Variants in NRXN3 observed in about 807,000 individuals in gnomAD.
NRXN3 encodes the protein neurexin III.
NRXN3 carries 32 observed loss-of-function variants against 137.6 expected under a neutral mutation model. The observed-to-expected ratio is 0.23, with a 90% CI of 0.18 to 0.31. NRXN3 has a LOEUF of 0.31. Among genes scored for constraint, NRXN3 ranks in the 10% least tolerant of loss-of-function variants. The pLI is 1.00. For synonymous variants in NRXN3, 798 were observed against 784.5 expected (o/e 1.02, Z -0.29); for missense variants, 1,574 against 2,062.5 (o/e 0.76, Z 4.59).
chr14:78,243,045 G>C lies in NRXN3; in HGVS notation c.-49G>C. 3 of 1,348,324 alleles carry C rather than the reference G, an allele frequency of 2.2e-6. No homozygotes were observed. The highest frequency in any genetic ancestry group is 2.9e-5 in the South Asian group (2 of 68,184). The allele number at this position is 1,348,324 out of a possible 1,614,324, so 83.5% of individuals were successfully genotyped here. A position where few individuals can be genotyped will look rare whatever the true frequency, so the allele number is the denominator to read the frequency against. ...TGCCAAAGGGAGAGATCCTCTCCGG[G>C]CTGTTCCCTGGCCTGTCTGCTCCTC... On this transcript the variant is annotated 5_prime_UTR_variant, in exon 2 of 21. Transcript: ENST00000335750. The surrounding 1 kb of genome is among the most constrained non-coding windows in gnomAD (Gnocchi z 4.2).
At chr14:79,203,974 G>A (rs2066425825) in intron 15 of NRXN3, among the ~76,000 whole-genome samples, 1 of 152,028 alleles carries the variant, frequency 6.6e-6, no homozygotes, top group Non-Finnish European at 1.5e-5. Flanking sequence ...TCCCACCAAA[G>A]CTTTTGAGCT....
At chr14:78,665,018 G>T (rs2097870806) in intron 6 of NRXN3, among the ~76,000 whole-genome samples, 1 of 152,130 alleles carries the variant, frequency 6.6e-6, no homozygotes, top group South Asian at 2.1e-4. Flanking sequence ...TGCCTACTCT[G>T]TCATAAAATC....
intron 4 of NRXN3, among the ~76,000 whole-genome samples, chr14:78,383,598 C>T (rs879934341): frequency 6.6e-6 from 1 of 152,172 alleles, no homozygotes; most frequent in Non-Finnish European, 1.5e-5. Flanking sequence ...ATATCATCTA[C>T]TGTACAACTC....
intron 15 of NRXN3, among the ~76,000 whole-genome samples, chr14:79,139,349 T>C (rs12890392): frequency 0.49 from 74,668 of 152,086 alleles, 21,205 homozygotes; most frequent in East Asian, 0.77. Flanking sequence ...GAGACCTGTG[T>C]ATCTAGGCCT....
At chr14:78,533,056 A>G (rs2096489757) in intron 4 of NRXN3, among the ~76,000 whole-genome samples, 1 of 148,590 alleles carries the variant, frequency 6.7e-6, no homozygotes, top group Non-Finnish European at 1.5e-5. Context: ...CTATGCCACT[A>G]CATCAGTCTC....
intron 4 of NRXN3, among the ~76,000 whole-genome samples, chr14:78,434,309 G>A (rs1298632743): frequency 6.6e-6 from 1 of 152,114 alleles, no homozygotes; most frequent in African/African-American, 2.4e-5. Context: ...GGAGGGATCT[G>A]TTCCAGGCCT....
chr14:78,174,797 A>G (rs1024483100), intron 1 of NRXN3, among the ~76,000 whole-genome samples: 3 of 152,178 alleles, frequency 2.0e-5, no homozygotes, highest in African/African-American at 7.2e-5. Flanking sequence ...CTCCAGCAGG[A>G]AGCCTCAAAT....
At chr14:79,249,080 T>C (rs1425315679) in intron 15 of NRXN3, 1 of 152,192 alleles carries the variant, frequency 6.6e-6, no homozygotes, top group African/African-American at 2.4e-5. Context: ...GGTGATCTCC[T>C]GGTGAGAGGG....
rs976843862 is a variant in NRXN3, at chr14:78,487,137, AT to A, written c.758-157976del. On this transcript the variant is annotated intron_variant, in intron 4 of 20. Transcript: ENST00000335750. ...TGGCTTTAGATCTATGATATGAGCT[AT>A]TTTTTTACTCATTAAAGTGTTTAAA... 3.1e-4 allele frequency among the ~76,000 whole-genome samples: 47 copies of A among 152,156 alleles called. 1 individual carries two copies. Among genetic ancestry groups the A allele is most frequent in the East Asian group, 2.3e-3 (12 of 5,178 alleles).
intron 15 of NRXN3, among the ~76,000 whole-genome samples, chr14:79,329,048 G>A (rs1046860286): frequency 6.6e-6 from 1 of 152,072 alleles, no homozygotes; most frequent in African/African-American, 2.4e-5. Context: ...AGTCATTTAT[G>A]TTTCTTAGAA....
intron 15 of NRXN3, among the ~76,000 whole-genome samples, chr14:79,327,037 C>T (rs943945473): frequency 6.6e-6 from 1 of 152,170 alleles, no homozygotes; most frequent in Non-Finnish European, 1.5e-5. Flanking sequence ...TTTGCCCTTG[C>T]TTTTCTTCTT....
intron 15 of NRXN3, among the ~76,000 whole-genome samples, chr14:79,328,195 G>T (rs1460237139): frequency 9.8e-5 from 15 of 152,290 alleles, no homozygotes; most frequent in Non-Finnish European, 1.9e-4. Context: ...ATATTATTTA[G>T]GAGGGACAGT....
At chr14:79,009,915 T>C (rs755523921) in intron 15 of NRXN3, among the ~76,000 whole-genome samples, 7 of 152,240 alleles carry the variant, frequency 4.6e-5, no homozygotes, top group Non-Finnish European at 8.8e-5. Context: ...ACTGTGGGAC[T>C]ATAAGGTATT....
chr14:78,820,678 G>C (rs1409881454), intron 10 of NRXN3, among the ~76,000 whole-genome samples: 2 of 152,082 alleles, frequency 1.3e-5, no homozygotes, highest in African/African-American at 4.8e-5. Context: ...ATTCCTCAAG[G>C]GACCCTGTGG....
At chr14:78,617,950 G>T (rs2097363017) in intron 4 of NRXN3, among the ~76,000 whole-genome samples, 1 of 148,644 alleles carries the variant, frequency 6.7e-6, no homozygotes, top group Non-Finnish European at 1.5e-5. Context: ...CACCAACTTT[G>T]TATCAATTAT....
At chr14:79,841,533 A>G (rs1332306210) in intron 20 of NRXN3, among the ~76,000 whole-genome samples, 1 of 152,212 alleles carries the variant, frequency 6.6e-6, no homozygotes, top group African/African-American at 2.4e-5. Flanking sequence ...TCAGTTCAGG[A>G]GAAAGGTCCC....
chr14:79,018,871 C>G, intron 15 of NRXN3, among the ~76,000 whole-genome samples: 1 of 152,072 alleles, frequency 6.6e-6, no homozygotes, highest in East Asian at 1.9e-4. Context: ...TACTGAGCAC[C>G]CCTGCCCTGG....
At chr14:79,203,307 A>C (rs1474389516) in intron 15 of NRXN3, among the ~76,000 whole-genome samples, 1 of 152,190 alleles carries the variant, frequency 6.6e-6, no homozygotes, top group African/African-American at 2.4e-5. Flanking sequence ...CTATTCAAAA[A>C]AGGATATTAG....
At chr14:79,509,748 A>G (rs749009720) in intron 16 of NRXN3, among the ~76,000 whole-genome samples, 2 of 152,034 alleles carry the variant, frequency 1.3e-5, no homozygotes, top group Admixed American at 1.3e-4. Flanking sequence ...TAAATATATA[A>G]AATTGTAAGT....
Sources: allele counts gnomAD v4.1 joint callset (sites outside exome capture counted in the v4.1 genomes callset), GRCh38; gene constraint gnomAD v4.1.1; non-coding constraint Gnocchi (gnomAD v3.1); transcripts MANE v1.5; gene names NCBI Gene and HGNC (gene_info 2026-07-23, HGNC 2026-07-21).